The following NTM variants were observed in gnomAD, a reference collection of about 807,000 sequenced individuals.
The protein encoded by NTM is IgLON family member 2.
Under a neutral mutation model 42.1 loss-of-function variants are expected in NTM, and 13 were observed. The observed-to-expected ratio is 0.31, with a 90% CI of 0.20 to 0.49. The LOEUF is 0.49. NTM is among the 20% of genes least tolerant of loss of function. NTM has a pLI of 0.99. For missense variants in NTM, 373 were observed against 452.8 expected, an observed-to-expected ratio of 0.82 and a Z score of 1.60; for synonymous variants, 187 against 179.2, an observed-to-expected ratio of 1.04 and a Z score of -0.35.
At chr11:131,594,668 G>T (rs542334009) in intron 1 of NTM, among the ~76,000 whole-genome samples, 26 of 152,226 alleles carry the variant, frequency 1.7e-4, no homozygotes, top group African/African-American at 4.6e-4. Context: ...CAGAGTGCTG[G>T]GATTTATAGG....
At chr11:131,563,078 C>G (rs2056438151) in intron 1 of NTM, among the ~76,000 whole-genome samples, 1 of 152,270 alleles carries the variant, frequency 6.6e-6, no homozygotes, top group Non-Finnish European at 1.5e-5. Flanking sequence ...TCACTTTCAC[C>G]TCCTTGAGAC....
intron 1 of NTM, among the ~76,000 whole-genome samples, chr11:131,401,923 T>C (rs1326481409): frequency 6.9e-6 from 1 of 144,766 alleles, no homozygotes; most frequent in Non-Finnish European, 1.5e-5. Context: ...GGCCATTCCT[T>C]GGCCTCTTAG....
intron 1 of NTM, among the ~76,000 whole-genome samples, chr11:131,516,792 A>G (rs1454385054): frequency 1.3e-5 from 2 of 152,170 alleles, no homozygotes; most frequent in Non-Finnish European, 2.9e-5. Flanking sequence ...GCTCAGAGAG[A>G]AGGTCGTTTC....
intron 1 of NTM, among the ~76,000 whole-genome samples, chr11:131,689,242 CCAGG>C (rs2074347878): frequency 6.6e-6 from 1 of 152,182 alleles, no homozygotes; most frequent in Non-Finnish European, 1.5e-5. Flanking sequence ...AGGACCAGAG[CCAGG>C]CAGGAACACA....
rs34452341 is a variant in NTM, at chr11:131,503,527, ATTT to A, written c.82+132650_82+132652del. 7.9e-3 allele frequency among the ~76,000 whole-genome samples: 1,161 copies of A among 146,122 alleles called. 22 individuals are homozygous for A. Among genetic ancestry groups the A allele is most frequent in the African/African-American group, 0.028 (1,123 of 39,528 alleles). On this transcript the variant is annotated intron_variant, in intron 1 of 8. Transcript: ENST00000683400. ...AGTCCACTTCATATTTGAGGTTACAATTTTTTTTTTTTTGAGACAAGGTCTTAC... is the reference window on the plus strand; with the variant it reads ...AGTCCACTTCATATTTGAGGTTACAATTTTTTTTTTGAGACAAGGTCTTAC...
intron 1 of NTM, among the ~76,000 whole-genome samples, chr11:131,586,450 C>T (rs895506372): frequency 6.6e-5 from 10 of 152,188 alleles, no homozygotes; most frequent in Non-Finnish European, 1.3e-4. Context: ...ACCCAGGGAG[C>T]CAGCTGCCAT....
chr11:132,020,694 C>T (rs189456358), intron 2 of NTM, among the ~76,000 whole-genome samples: 1 of 152,042 alleles, frequency 6.6e-6, no homozygotes, highest in South Asian at 2.1e-4. Context: ...CCTTTTGGTA[C>T]TTGAATATAT....
chr11:132,230,434 G>A (rs1044814061), intron 4 of NTM, among the ~76,000 whole-genome samples: 14 of 152,162 alleles, frequency 9.2e-5, no homozygotes, highest in Non-Finnish European at 5.9e-5. Flanking sequence ...GTGGAGATGG[G>A]ACCTGCACCC....
chr11:131,867,908 C>A (rs1257465193), intron 1 of NTM, among the ~76,000 whole-genome samples: 2 of 152,122 alleles, frequency 1.3e-5, no homozygotes, highest in Non-Finnish European at 2.9e-5. Flanking sequence ...GAACTGCCAG[C>A]TGTTTTGGTT....
chr11:131,589,527 T>A (rs910013263), intron 1 of NTM, among the ~76,000 whole-genome samples: 2 of 152,178 alleles, frequency 1.3e-5, no homozygotes, highest in African/African-American at 4.8e-5. Context: ...GTCCTCTTCT[T>A]TCTTACACAT....
chr11:132,045,005 G>T (rs541903826), intron 2 of NTM, among the ~76,000 whole-genome samples: 8 of 152,120 alleles, frequency 5.3e-5, no homozygotes, highest in Non-Finnish European at 1.0e-4. Context: ...GAAAAGAAGG[G>T]GACTTCTCCC....
At chr11:131,688,635 C>T (rs1468780017) in intron 1 of NTM, among the ~76,000 whole-genome samples, 1 of 152,240 alleles carries the variant, frequency 6.6e-6, no homozygotes, top group Non-Finnish European at 1.5e-5. Context: ...CTTCACACCC[C>T]CAGTGACTGT....
intron 4 of NTM, among the ~76,000 whole-genome samples, chr11:132,233,712 A>T (rs1249354024): frequency 6.6e-6 from 1 of 152,258 alleles, no homozygotes; most frequent in East Asian, 1.9e-4. Flanking sequence ...GCAAAGCCTG[A>T]GATATTTATT....
rs1266287004 is a variant in NTM at position 132,269,214 on chromosome 11, C to A, written c.527-38475C>A. On this transcript the variant is annotated intron_variant, in intron 4 of 8. Coordinates refer to ENST00000683400, the MANE Select transcript of NTM (RefSeq NM_001352005.2). ...ATAAAGTATGGAAGTTGTTCAACTA[C>A]CGTCTGCTTCGTATGCATTCTATTG... is the stretch of plus-strand genomic sequence containing the variant. Among the ~76,000 whole-genome samples the A allele has an allele frequency of 2.6e-5, 4 of 152,308 alleles. No homozygotes were observed. In the East Asian group the frequency reaches 5.8e-4, roughly 22 times the overall value.
chr11:131,893,577 C>T (rs147852828), intron 1 of NTM, among the ~76,000 whole-genome samples: 116 of 152,234 alleles, frequency 7.6e-4, no homozygotes, highest in Admixed American at 1.3e-3. Flanking sequence ...AGCACCAGCT[C>T]GGGGCTGAGT....
chr11:131,580,052 C>A (rs545119718), intron 1 of NTM, among the ~76,000 whole-genome samples: 1 of 152,114 alleles, frequency 6.6e-6, no homozygotes, highest in Admixed American at 6.5e-5. Flanking sequence ...AGAGAGCCTG[C>A]AGGGAGGGCT....
intron 4 of NTM, among the ~76,000 whole-genome samples, chr11:132,251,640 T>C (rs1408508759): frequency 6.6e-6 from 1 of 152,226 alleles, no homozygotes; most frequent in Non-Finnish European, 1.5e-5. Flanking sequence ...TATCTTTCTG[T>C]GTCTCAATAT....
chr11:131,598,683 TTTTCTTTCTTTCTTTCTTTC>T (rs199821939), intron 1 of NTM, among the ~76,000 whole-genome samples: 927 of 74,430 alleles, frequency 0.012, 61 homozygotes, highest in East Asian at 0.022. Flanking sequence ...TTCTCATTTG[TTTTCTTTCTTTCTTTCTTTC>T]TTTCTTTCTT....
intron 2 of NTM, among the ~76,000 whole-genome samples, chr11:132,117,061 A>C (rs2064005621): frequency 6.6e-6 from 1 of 152,206 alleles, no homozygotes; most frequent in Non-Finnish European, 1.5e-5. Flanking sequence ...AAAGTCATAG[A>C]AGTCCAAAGT....
Sources: allele counts gnomAD v4.1 joint callset (sites outside exome capture counted in the v4.1 genomes callset), GRCh38; gene constraint gnomAD v4.1.1; transcripts MANE v1.5; gene names NCBI Gene and HGNC (gene_info 2026-07-23, HGNC 2026-07-21).